The following PLCH1 variants were observed in gnomAD, a reference collection of about 807,000 sequenced individuals.
The protein encoded by PLCH1 is phospholipase C eta 1, also known as 1-phosphatidylinositol 4,5-bisphosphate phosphodiesterase eta-1.
In PLCH1, 60 loss-of-function variants were observed where a neutral mutation model predicts 126.7. The ratio of observed to expected loss-of-function variants is 0.47; its 90% CI spans 0.38 to 0.59. The LOEUF is 0.59. Ranked by LOEUF, PLCH1 falls within the 20% of genes least tolerant of loss-of-function variation. The pLI, the probability that PLCH1 is intolerant of heterozygous loss-of-function variation, is 0.00. For missense variants in PLCH1, 1,723 were observed against 2,040.0 expected (o/e 0.84, Z 2.99); for synonymous variants, 719 against 734.9 (o/e 0.98, Z 0.35).
At chr3:155,622,234 C>T (rs867806744) in intron 2 of PLCH1, among the ~76,000 whole-genome samples, 2 of 152,194 alleles carry the variant, frequency 1.3e-5, no homozygotes, top group East Asian at 3.8e-4. Flanking sequence ...CACCACCAGG[C>T]CTGTCTTACA....
At chr3:155,675,212 G>A (rs1430060435) in intron 2 of PLCH1, among the ~76,000 whole-genome samples, 2 of 152,162 alleles carry the variant, frequency 1.3e-5, no homozygotes, top group Non-Finnish European at 2.9e-5. Flanking sequence ...GCATTGATGG[G>A]ATAAAGTTAC....
At chr3:155,573,882 C>G (rs900716894) in intron 6 of PLCH1, among the ~76,000 whole-genome samples, 5 of 152,066 alleles carry the variant, frequency 3.3e-5, no homozygotes, top group Non-Finnish European at 7.4e-5. Flanking sequence ...AGTACCCACA[C>G]TCAGCCGTGT....
At chr3:155,579,570 G>A (rs1407927503) in intron 6 of PLCH1, among the ~76,000 whole-genome samples, 2 of 152,198 alleles carry the variant, frequency 1.3e-5, no homozygotes, top group African/African-American at 2.4e-5. Context: ...GCCAAATGAA[G>A]TGTTAATCTG....
intron 2 of PLCH1, among the ~76,000 whole-genome samples, chr3:155,628,749 A>G (rs1283840517): frequency 4.6e-5 from 7 of 152,152 alleles, no homozygotes; most frequent in Admixed American, 3.9e-4. Context: ...AATTTCTAGA[A>G]TTTGTGGAAA....
intron 1 of PLCH1, among the ~76,000 whole-genome samples, chr3:155,734,722 T>TG (rs1164829889): frequency 2.7e-5 from 4 of 150,804 alleles, no homozygotes; most frequent in Admixed American, 2.6e-4. Context: ...TTTTTTTTTT[T>TG]TTTTGAGACA....
chr3:155,562,497 C>T (rs887843925), intron 8 of PLCH1, among the ~76,000 whole-genome samples: 19 of 152,082 alleles, frequency 1.2e-4, no homozygotes, highest in African/African-American at 2.4e-4. Flanking sequence ...CTAGAAATCC[C>T]GAGACTTGGA....
At chr3:155,578,340 T>A (rs11926902) in intron 6 of PLCH1, among the ~76,000 whole-genome samples, 21,363 of 152,214 alleles carry the variant, frequency 0.14, 2,733 homozygotes, top group African/African-American at 0.34. Flanking sequence ...AATAACACTA[T>A]CTGTTTAATT....
At chr3:155,659,301 TC>T (rs1741821769) in intron 2 of PLCH1, among the ~76,000 whole-genome samples, 1 of 112,992 alleles carries the variant, frequency 8.9e-6, no homozygotes, top group African/African-American at 3.9e-5. Flanking sequence ...TCTATTCACT[TC>T]TTTTTTTTTT....
chr3:155,537,196 AAAAACC>A lies in PLCH1; in HGVS notation c.1362+12585_1362+12590del, dbSNP rs1444946312. On this transcript the variant is annotated intron_variant, in intron 10 of 22. Coordinates refer to ENST00000460012, the MANE Select transcript of PLCH1 (RefSeq NM_014996.4). ...ACCAAGCTAGCACTACAAAAAAAAA[AAAAACC>A]AAAAAAAAAAAAAAAAAAAAAAAAA... Among the ~76,000 whole-genome samples the A allele has an allele frequency of 6.6e-3, 123 of 18,582 alleles. 6 individuals carry two copies. The highest frequency in any genetic ancestry group is 0.016 in the African/African-American group (100 of 6,274). 12.2% of individuals were successfully genotyped at this position (18,582 alleles called of 152,430 possible). A position where few individuals can be genotyped will look rare whatever the true frequency, so the allele number is the denominator to read the frequency against.
intron 8 of PLCH1, among the ~76,000 whole-genome samples, chr3:155,563,041 G>A (rs1727842393): frequency 6.6e-6 from 1 of 152,186 alleles, no homozygotes; most frequent in Non-Finnish European, 1.5e-5. Context: ...TCTGTTCCCT[G>A]TGGCATTTCT....
At chr3:155,577,374 T>A (rs1315121325) in intron 6 of PLCH1, among the ~76,000 whole-genome samples, 1 of 152,216 alleles carries the variant, frequency 6.6e-6, no homozygotes, top group Non-Finnish European at 1.5e-5. Context: ...TTTACTCATT[T>A]TTCCATTGTT....
In PLCH1 at chr3:155,728,966, T is replaced by A. The variant is rs568779185; in HGVS notation, c.-41+15874A>T. On this transcript the variant is annotated intron_variant, in intron 1 of 22. Coordinates refer to ENST00000460012, the MANE Select transcript of PLCH1 (RefSeq NM_014996.4). ...TACAAACAGCAGATTTATTTTACAA[T>A]TCTTATTTAATCAACTTGTGCGTAG... Among the ~76,000 whole-genome samples, 5 of 152,348 alleles carry A rather than the reference T, an allele frequency of 3.3e-5. No homozygotes were observed. The South Asian group carries it at 1.0e-3, about 32-fold the overall frequency.
chr3:155,494,625 A>G, intron 15 of PLCH1, 108 bp from the exon 16 acceptor site: 1 of 838,016 alleles, frequency 1.2e-6, no homozygotes, highest in Non-Finnish European at 1.9e-6. Context: ...CAAAAAGCAG[A>G]GCACTAGAGA....
intron 10 of PLCH1, among the ~76,000 whole-genome samples, chr3:155,530,804 C>G (rs995106969): frequency 6.6e-6 from 1 of 152,128 alleles, no homozygotes; most frequent in Non-Finnish European, 1.5e-5. Flanking sequence ...CCAGACTTAT[C>G]AAAGGAATCA....
chr3:155,531,393 G>A (rs1722652420), intron 10 of PLCH1, among the ~76,000 whole-genome samples: 2 of 152,234 alleles, frequency 1.3e-5, no homozygotes, highest in Non-Finnish European at 1.5e-5. Context: ...GGGAGGCCAA[G>A]GCAGGCAAAT....
intron 4 of PLCH1, among the ~76,000 whole-genome samples, chr3:155,590,834 T>C (rs1732064187): frequency 1.3e-5 from 2 of 152,176 alleles, no homozygotes; most frequent in African/African-American, 4.8e-5. Context: ...TGACTCAAAA[T>C]AACCTTTCTC....
Position 155,480,855 on chromosome 3 carries a change from A to G in PLCH1, c.*113T>C. The G allele has an allele frequency of 1.1e-6, 1 of 940,738 alleles. No homozygotes were observed. The highest frequency in any genetic ancestry group is 1.6e-6 in the Non-Finnish European group (1 of 627,184). 58.3% of individuals were successfully genotyped at this position (940,738 alleles called of 1,614,324 possible). ...CATGAAGTCAAAGGGAGACCCAAAT[A>G]CAAGTTTAAAAATACATTTGAAAAT... On this transcript the variant is annotated 3_prime_UTR_variant, in exon 23 of 23. Transcript: ENST00000460012.
chr3:155,583,536 T>C lies in PLCH1; in HGVS notation c.707A>G (p.Tyr236Cys), dbSNP rs1159960309. 1.2e-6 allele frequency: 2 copies of C among 1,606,970 alleles called. No individual in the cohort carries two copies. The highest frequency in any genetic ancestry group is 8.5e-7 in the Non-Finnish European group (1 of 1,177,854). The change falls in exon 6 of 23, where the codon TAC becomes TGC. Residue 236 changes from tyrosine (Y) to cysteine (C), a missense_variant. This residue lies in a region of PLCH1 where 776 missense variants were observed against 1,062.9 expected (regional missense o/e 0.73). Coordinates refer to ENST00000460012, the MANE Select transcript of PLCH1 (RefSeq NM_014996.4). The stretch of plus-strand genomic sequence containing the variant: ...AGTTAGGTGATCTTTCTTGTCACTG[T>C]AGCTCAAAAGTAACAAATAAAGGTC... ...RRDLYLLLLS[Y>C]SDKKDHLTVE...
At chr3:155,614,512 C>T (rs1254525518) in intron 2 of PLCH1, among the ~76,000 whole-genome samples, 2 of 152,094 alleles carry the variant, frequency 1.3e-5, no homozygotes, top group Non-Finnish European at 2.9e-5. Context: ...CTGGAGGCAT[C>T]ACATTACCCA....
Sources: allele counts gnomAD v4.1 joint callset (sites outside exome capture counted in the v4.1 genomes callset), GRCh38; gene constraint gnomAD v4.1.1; regional missense constraint gnomAD v4.1.1; transcripts MANE v1.5; gene names NCBI Gene and HGNC (gene_info 2026-07-23, HGNC 2026-07-21).